ZBTB11: variants seen among roughly 807,000 people sequenced by gnomAD.
ZBTB11 encodes the protein zinc finger and BTB domain containing 11, also known as zinc finger and BTB domain-containing protein 11.
Under a neutral mutation model 113.1 loss-of-function variants are expected in ZBTB11, and 68 were observed. The observed-to-expected ratio is 0.60, with a 90% CI of 0.49 to 0.74. The LOEUF is 0.74. Ranked by LOEUF, ZBTB11 falls within the 30% of genes least tolerant of loss-of-function variation. The pLI is 0.00. For synonymous variants in ZBTB11, 518 were observed against 452.6 expected, an observed-to-expected ratio of 1.14 and a Z score of -1.83; for missense variants, 1,104 against 1,279.4, an observed-to-expected ratio of 0.86 and a Z score of 2.09.
At chr3:101,663,447 T>G (rs983738084) in intron 5 of ZBTB11, among the ~76,000 whole-genome samples, 1 of 152,212 alleles carries the variant, frequency 6.6e-6, no homozygotes, top group Non-Finnish European at 1.5e-5. Context: ...AATAAGATAT[T>G]AAAAAATTCA....
At chr3:101,671,038 T>C in intron 3 of ZBTB11, 92 bp downstream of exon 3, 1 of 1,052,338 alleles carries the variant, frequency 9.5e-7, no homozygotes, top group Non-Finnish European at 1.4e-6. Flanking sequence ...TTCTCTTACT[T>C]TGGCATAAAG....
At position 101,649,146 on chromosome 3, in the gene ZBTB11, G is replaced by A. The variant is rs767373208; in HGVS notation, c.*2020C>T. 3 of 152,192 alleles carry A rather than the reference G, an allele frequency of 2.0e-5. No homozygotes were observed. The highest frequency in any genetic ancestry group is 1.9e-4 in the East Asian group (1 of 5,182). 9.4% of individuals were successfully genotyped at this position (152,192 alleles called of 1,614,324 possible). A position where few individuals can be genotyped will look rare whatever the true frequency, so the allele number is the denominator to read the frequency against. On this transcript the variant is annotated 3_prime_UTR_variant, in exon 11 of 11. Coordinates refer to ENST00000312938, the MANE Select transcript of ZBTB11 (RefSeq NM_014415.4). ...GGGTTTATATGGATACAGGATAGGAGGGCGTGGTGGGCCAAAAGGCAACAT... is the reference window on the plus strand; with the variant it reads ...GGGTTTATATGGATACAGGATAGGAAGGCGTGGTGGGCCAAAAGGCAACAT...
chr3:101,674,509 G>C lies in ZBTB11; in HGVS notation c.310+2096C>G, dbSNP rs149261325. Among the ~76,000 whole-genome samples the C allele has an allele frequency of 5.8e-3, 877 of 151,968 alleles. 7 individuals carry two copies. Among genetic ancestry groups the C allele is most frequent in the African/African-American group, 0.02 (832 of 41,430 alleles). ...GCAGATCATCTGAGCTCAGGAGTTC[G>C]AGCCCAGCCTGGCCAACATGGTGAA... On this transcript the variant is annotated intron_variant, in intron 1 of 10. Coordinates refer to ENST00000312938, the MANE Select transcript of ZBTB11 (RefSeq NM_014415.4).
chr3:101,656,038 T>C, intron 7 of ZBTB11, 66 bp downstream of exon 7: 2 of 1,169,964 alleles, frequency 1.7e-6, no homozygotes, highest in South Asian at 2.2e-5. Context: ...TAATTTCTGG[T>C]ATAATTAAAG....
At chr3:101,671,023 TG>T in intron 3 of ZBTB11, 106 bp downstream of exon 3, 1 of 879,054 alleles carries the variant, frequency 1.1e-6, no homozygotes, top group Non-Finnish European at 1.8e-6. Flanking sequence ...CTGTTGTTAG[TG>T]GGCTTCTCTT....
chr3:101,650,759 G>C lies in ZBTB11; in HGVS notation c.*407C>G, dbSNP rs1033210736. 6.5e-6 allele frequency: 1 copy of C among 153,832 alleles called. No individual in the cohort carries two copies. Among genetic ancestry groups the C allele is most frequent in the Non-Finnish European group, 1.4e-5 (1 of 69,238 alleles). 9.5% of individuals were successfully genotyped at this position (153,832 alleles called of 1,614,324 possible). ...ATAAATCACAGAATCTCTATATTTT[G>C]AGAATAAAACAGAAGAAAAGCCAAC... On this transcript the variant is annotated 3_prime_UTR_variant, in exon 11 of 11. Transcript: ENST00000312938.
intron 4 of ZBTB11, 60 bp from the exon 5 acceptor site, chr3:101,664,774 A>G (rs1936952413): frequency 6.6e-6 from 10 of 1,512,396 alleles, no homozygotes; most frequent in Non-Finnish European, 8.9e-6. Flanking sequence ...TTTTAAAGTC[A>G]TGTTGTAAAT....
intron 5 of ZBTB11, 67 bp from the exon 6 acceptor site, chr3:101,660,095 A>C: frequency 3.4e-6 from 5 of 1,489,452 alleles, no homozygotes; most frequent in Non-Finnish European, 4.6e-6. Context: ...AACTCAACTC[A>C]TATTTGGACT....
At chr3:101,669,206 T>C (rs1057205954) in intron 3 of ZBTB11, among the ~76,000 whole-genome samples, 4 of 152,196 alleles carry the variant, frequency 2.6e-5, no homozygotes, top group African/African-American at 9.7e-5. Flanking sequence ...CTAATTTTTG[T>C]AAATTTTGGT....
At chr3:101,662,586 C>T (rs1936910472) in intron 5 of ZBTB11, among the ~76,000 whole-genome samples, 1 of 152,164 alleles carries the variant, frequency 6.6e-6, no homozygotes, top group African/African-American at 2.4e-5. Flanking sequence ...GCCTGCGCAA[C>T]AAGAACACAA....
chr3:101,654,602 G>C (rs949849256), intron 8 of ZBTB11, 102 bp downstream of exon 8: 14 of 942,718 alleles, frequency 1.5e-5, no homozygotes, highest in Non-Finnish European at 2.3e-5. Context: ...AAAATCAAGA[G>C]TAAACTGAAG....
chr3:101,652,410 G>A, intron 10 of ZBTB11, 86 bp downstream of exon 10: 1 of 1,327,642 alleles, frequency 7.5e-7, no homozygotes, highest in Non-Finnish European at 1.0e-6. Flanking sequence ...CTTTTACCAA[G>A]GAAGGTGAAA....
Position 101,659,835 on chromosome 3 carries a change from G to A in ZBTB11, c.1994C>T (p.Ser665Phe). ...ICGRTLPKLY[S>F]LRIHMLKHTG... Reference sequence around the variant, plus strand: ...GTGCTTTAACATATGTATTCGGAGAGAATATAATTTAGGTAATGTTCTTCC... The same window carrying A: ...GTGCTTTAACATATGTATTCGGAGAAAATATAATTTAGGTAATGTTCTTCC... Residue 665 changes from serine (S) to phenylalanine (F), a missense_variant, in exon 6 of 11, where the codon TCT (serine) becomes TTT (phenylalanine). By Grantham distance (155) the Ser-to-Phe change is radical. Transcript: ENST00000312938. 6.2e-7 allele frequency: 1 copy of A among 1,614,160 alleles called. No individual in the cohort carries two copies. The highest frequency in any genetic ancestry group is 8.5e-7 in the Non-Finnish European group (1 of 1,180,018).
In ZBTB11 at chr3:101,664,959, C is replaced by G. The variant is rs750831072; in HGVS notation, c.1623+5G>C. Reference sequence around the variant, plus strand: ...CTACAAAGGTCAACCCTTCTTACATCATACCTGTTGAACTGCTGACTTGGG... The same window carrying G: ...CTACAAAGGTCAACCCTTCTTACATGATACCTGTTGAACTGCTGACTTGGG... On this transcript the variant is annotated splice_donor_5th_base_variant and intron_variant, in intron 4 of 10. Transcript: ENST00000312938. The G allele has an allele frequency of 5.0e-6, 8 of 1,605,162 alleles. No individual in the cohort carries two copies. In the South Asian group the frequency reaches 8.9e-5, roughly 18 times the overall value.
At position 101,649,854 on chromosome 3, in the gene ZBTB11, G is replaced by A. The variant is rs929413862; in HGVS notation, c.*1312C>T. ...TGTGCTTTAGGAATGATTTACATGT[G>A]ATCTGCTTATATCTTAATTTTATAC... On this transcript the variant is annotated 3_prime_UTR_variant, in exon 11 of 11. Coordinates refer to ENST00000312938, the MANE Select transcript of ZBTB11 (RefSeq NM_014415.4). 3 of 152,572 alleles carry A rather than the reference G, an allele frequency of 2.0e-5. No individual in the cohort carries two copies. The highest frequency in any genetic ancestry group is 4.4e-5 in the Non-Finnish European group (3 of 68,018). 9.5% of individuals were successfully genotyped at this position (152,572 alleles called of 1,614,324 possible).
rs182567108 is a variant in ZBTB11 at position 101,650,363 on chromosome 3, T to C, written c.*803A>G. The C allele has an allele frequency of 6.5e-6, 1 of 152,722 alleles. No homozygotes were observed. The highest frequency in any genetic ancestry group is 1.5e-5 in the Non-Finnish European group (1 of 68,006). The allele number at this position is 152,722 out of a possible 1,614,324, so 9.5% of individuals were successfully genotyped here. A position where few individuals can be genotyped will look rare whatever the true frequency, so the allele number is the denominator to read the frequency against. Reference sequence around the variant, plus strand: ...ATTTTTTTTTCCATTAATTGTCCTATGTTATCAAGGAGAATTTTCCTGTCA... The same window carrying C: ...ATTTTTTTTTCCATTAATTGTCCTACGTTATCAAGGAGAATTTTCCTGTCA... On this transcript the variant is annotated 3_prime_UTR_variant, in exon 11 of 11. Coordinates refer to ENST00000312938, the MANE Select transcript of ZBTB11 (RefSeq NM_014415.4).
chr3:101,665,042 C>T lies in ZBTB11; in HGVS notation c.1545G>A (p.Gly515=), dbSNP rs1428748372. The part of the protein sequence containing the change: ...SRLRQRSVNE[G]AYIRLHKGME... ...TTCCCTTGTGTAGTCGAATATATGC[C>T]CCTTCATTAACAGAACGTTGTCGAA... The change falls in exon 4 of 11, where the codon GGG becomes GGA. Residue 515 remains glycine (G), a synonymous_variant. Transcript: ENST00000312938. 17 of 1,613,976 alleles carry T rather than the reference C, an allele frequency of 1.1e-5. No individual in the cohort carries two copies. Among genetic ancestry groups the T allele is most frequent in the Non-Finnish European group, 1.3e-5 (15 of 1,180,016 alleles).
intron 2 of ZBTB11, 111 bp downstream of exon 2, chr3:101,671,867 T>C (rs763601057): frequency 2.5e-6 from 2 of 799,504 alleles, no homozygotes; most frequent in African/African-American, 3.4e-5. Flanking sequence ...CACTGCCATT[T>C]TGTCTTATTC....
At chr3:101,652,284 T>C (rs1411398314) in intron 10 of ZBTB11, among the ~76,000 whole-genome samples, 1 of 152,230 alleles carries the variant, frequency 6.6e-6, no homozygotes, top group East Asian at 1.9e-4. Flanking sequence ...TAGTTCAGCA[T>C]AACAATGTGG....
Sources: gnomAD v4.1 joint callset for allele counts (sites outside exome capture counted in the v4.1 genomes callset) on GRCh38, gnomAD v4.1.1 for gene constraint, MANE v1.5 for transcripts, NCBI Gene and HGNC (gene_info 2026-07-23, HGNC 2026-07-21) for gene names.